The following YEATS2 variants were observed in gnomAD, a reference collection of about 807,000 sequenced individuals.
YEATS2 encodes YEATS domain-containing protein 2.
YEATS2 carries 77 observed loss-of-function variants against 163.2 expected under a neutral mutation model. The ratio of observed to expected loss-of-function variants is 0.47; its 90% CI spans 0.39 to 0.57. YEATS2 has a LOEUF of 0.57. YEATS2 is among the 20% of genes least tolerant of loss of function. The probability of loss-of-function intolerance (pLI) is 0.00; values close to 1 mark genes in which losing one functional copy is unlikely to be tolerated. For missense variants in YEATS2, 1,549 were observed against 1,729.8 expected, an observed-to-expected ratio of 0.90 and a Z score of 1.85; for synonymous variants, 631 against 645.1, an observed-to-expected ratio of 0.98 and a Z score of 0.33.
intron 8 of YEATS2, among the ~76,000 whole-genome samples, chr3:183,746,509 C>T (rs1719551917): frequency 6.6e-6 from 1 of 152,160 alleles, no homozygotes; most frequent in Non-Finnish European, 1.5e-5. Context: ...TTTCCAGTTC[C>T]TCTTCTTGTT....
At chr3:183,703,976 A>AAAAAT (rs951358225) in intron 1 of YEATS2, among the ~76,000 whole-genome samples, 20 of 151,838 alleles carry the variant, frequency 1.3e-4, no homozygotes, top group South Asian at 4.2e-4. Context: ...CCTCTACTAA[A>AAAAAT]AAAATAAAAT....
rs1250967054 is a variant in YEATS2 at position 183,763,096 on chromosome 3, G to A, written c.1947+817G>A. On this transcript the variant is annotated intron_variant, in intron 15 of 30. Coordinates refer to ENST00000305135, the MANE Select transcript of YEATS2 (RefSeq NM_018023.5). ...ATTAAAAAAAAAAATAGCACATAGA[G>A]CCATGTTTTCCTGAATCAATTGGAA... is the stretch of plus-strand genomic sequence containing the variant. 4.6e-5 allele frequency among the ~76,000 whole-genome samples: 7 copies of A among 151,548 alleles called. No individual in the cohort carries two copies. In the East Asian group the frequency reaches 1.4e-3, roughly 29 times the overall value.
chr3:183,761,731 T>C, intron 14 of YEATS2, 117 bp downstream of exon 14: 1 of 923,354 alleles, frequency 1.1e-6, no homozygotes, highest in Non-Finnish European at 1.7e-6. Flanking sequence ...CTCCTCATTC[T>C]GAGACGTGCT....
At chr3:183,700,770 CAA>C (rs774835127) in intron 1 of YEATS2, among the ~76,000 whole-genome samples, 192 of 37,724 alleles carry the variant, frequency 5.1e-3, no homozygotes, top group Middle Eastern at 0.013. Flanking sequence ...GACTTCGTCT[CAA>C]AAAAAAAAAA....
chr3:183,743,855 T>G (rs1319510357), intron 8 of YEATS2, among the ~76,000 whole-genome samples: 5 of 152,170 alleles, frequency 3.3e-5, no homozygotes, highest in African/African-American at 1.2e-4. Context: ...TCTGTAGAAT[T>G]CCTTTTTCAT....
rs1422428133 is a variant in YEATS2, at chr3:183,772,311, G to C, written c.1954G>C (p.Gly652Arg). ...SAKVQPSKVV[G>R]VPVGSALPST... is the part of the protein sequence containing the mutation. ...TCTGCTCTGTTTTGAACAGGTTGTC[G>C]GGGTACCAGTTGGGTCTGCTTTACC... Residue 652 changes from glycine to arginine, a missense_variant, in exon 16 of 31, where the codon GGG (glycine) becomes CGG (arginine). Physicochemically the swap from Gly to Arg is moderately radical, Grantham distance 125. Transcript: ENST00000305135. 1 of 1,613,632 alleles carries C rather than the reference G, an allele frequency of 6.2e-7. No homozygotes were observed. Among genetic ancestry groups the C allele is most frequent in the African/African-American group, 1.3e-5 (1 of 74,906 alleles).
chr3:183,720,247 T>C (rs776289136), intron 4 of YEATS2, among the ~76,000 whole-genome samples: 36 of 152,190 alleles, frequency 2.4e-4, no homozygotes, highest in Admixed American at 6.5e-4. Context: ...GTTTTTGACA[T>C]GTAAATGAAA....
rs539823681 is a variant in YEATS2 at position 183,716,104 on chromosome 3, C to T, written c.100+842C>T. ...CCTCCCGAGTAGCTGGGACTACAGG[C>T]ACCCGCCACCACGCCTTGCTAATAT... On this transcript the variant is annotated intron_variant, in intron 2 of 30. Coordinates refer to ENST00000305135, the MANE Select transcript of YEATS2 (RefSeq NM_018023.5). Among the ~76,000 whole-genome samples the T allele has an allele frequency of 1.4e-4, 21 of 152,090 alleles. 1 individual carries two copies. The South Asian group carries it at 4.4e-3, about 32-fold the overall frequency.
chr3:183,798,060 C>G lies in YEATS2; in HGVS notation c.3226+9C>G. ...GATGCCTGTGAATAAAGGTGAGTCC[C>G]TTGCCCACGGGTCGTCTGTGCTGTG... On this transcript the variant is annotated intron_variant, in intron 22 of 30. Transcript: ENST00000305135. The G allele has an allele frequency of 6.2e-7, 1 of 1,613,206 alleles. No homozygotes were observed. The highest frequency in any genetic ancestry group is 1.1e-5 in the South Asian group (1 of 91,020).
intron 5 of YEATS2, among the ~76,000 whole-genome samples, chr3:183,723,803 T>C (rs1211122687): frequency 6.6e-6 from 1 of 151,682 alleles, no homozygotes; most frequent in Admixed American, 6.6e-5. Flanking sequence ...TCCCATCTAC[T>C]CGAGAGGCTG....
At chr3:183,743,520 T>A (rs544637642) in intron 8 of YEATS2, among the ~76,000 whole-genome samples, 13 of 152,066 alleles carry the variant, frequency 8.5e-5, no homozygotes, top group African/African-American at 3.1e-4. Flanking sequence ...TTTTATTTTT[T>A]GTAGAGATGG....
At chr3:183,802,562 T>G (rs889292351) in intron 25 of YEATS2, 2 of 71,682 alleles carry the variant, frequency 2.8e-5, no homozygotes, top group Non-Finnish European at 6.6e-5. Context: ...TATTTTTCTC[T>G]CTCCTTAAAA....
intron 28 of YEATS2, chr3:183,807,328 A>G: frequency 1.9e-6 from 1 of 514,126 alleles, no homozygotes; most frequent in Non-Finnish European, 3.5e-6. Context: ...ATTACATGTG[A>G]AAACATTGCT....
Position 183,724,649 on chromosome 3 carries a change from G to C in YEATS2, c.650+118G>C, listed in dbSNP as rs1053625412. The C allele has an allele frequency of 8.2e-6, 6 of 731,378 alleles. No individual in the cohort carries two copies. In the African/African-American group the frequency reaches 1.1e-4, roughly 14 times the overall value. 45.3% of individuals were successfully genotyped at this position (731,378 alleles called of 1,614,324 possible). On this transcript the variant is annotated intron_variant, in intron 6 of 30. Coordinates refer to ENST00000305135, the MANE Select transcript of YEATS2 (RefSeq NM_018023.5). ...AGGGATTCTTTTTCCCAAGCCCTTAGTTGTTTAAAAAGTAAACCACAGTCT... is the reference window on the plus strand; with the variant it reads ...AGGGATTCTTTTTCCCAAGCCCTTACTTGTTTAAAAAGTAAACCACAGTCT...
At position 183,776,999 on chromosome 3, in the gene YEATS2, C is replaced by T. The variant is rs894973978; in HGVS notation, c.2578-543C>T. Among the ~76,000 whole-genome samples, 4 of 151,452 alleles carry T rather than the reference C, an allele frequency of 2.6e-5. No homozygotes were observed. In the East Asian group the frequency reaches 7.8e-4, roughly 29 times the overall value. On this transcript the variant is annotated intron_variant, in intron 18 of 30. Transcript: ENST00000305135. The stretch of plus-strand genomic sequence containing the variant: ...GAATTTGGGTTTAAACCCAGATCTT[C>T]CTGCCTTAAAGATTTCTACTATGCT...
intron 11 of YEATS2, 142 bp from the exon 12 acceptor site, chr3:183,756,386 C>T (rs553126565): frequency 1.5e-4 from 104 of 684,588 alleles, no homozygotes; most frequent in African/African-American, 2.1e-4. Context: ...TGCTCAGTAC[C>T]GGGAGCACGC....
Position 183,724,151 on chromosome 3 carries a change from A to G in YEATS2, c.538-268A>G, listed in dbSNP as rs1716821109. ...TAACCACTGTAATAGTTTTTTGTGTATCCTTCCAAATCCTATTTGCATATT... is the reference window on the plus strand; with the variant it reads ...TAACCACTGTAATAGTTTTTTGTGTGTCCTTCCAAATCCTATTTGCATATT... On this transcript the variant is annotated intron_variant, in intron 5 of 30. Transcript: ENST00000305135. Among the ~76,000 whole-genome samples, 3 of 152,096 alleles carry G rather than the reference A, an allele frequency of 2.0e-5. No homozygotes were observed. The South Asian group carries it at 6.2e-4, about 31-fold the overall frequency.
chr3:183,762,077 G>A lies in YEATS2; in HGVS notation c.1765-20G>A. On this transcript the variant is annotated intron_variant, in intron 14 of 30. Transcript: ENST00000305135. Reference sequence around the variant, plus strand: ...GGATGTTTATGGATGTTTATTCAGTGTCATTATGTTTGTTGCAAGGTGATC... The same window carrying A: ...GGATGTTTATGGATGTTTATTCAGTATCATTATGTTTGTTGCAAGGTGATC... The A allele has an allele frequency of 1.2e-6, 2 of 1,614,036 alleles. No homozygotes were observed. Among genetic ancestry groups the A allele is most frequent in the African/African-American group, 1.3e-5 (1 of 75,006 alleles).
At chr3:183,704,297 T>C (rs545039601) in intron 1 of YEATS2, among the ~76,000 whole-genome samples, 1 of 152,220 alleles carries the variant, frequency 6.6e-6, no homozygotes, top group Admixed American at 6.6e-5. Flanking sequence ...AATAAAACTT[T>C]CCAGTTATGA....
Sources: allele counts gnomAD v4.1 joint callset (sites outside exome capture counted in the v4.1 genomes callset), GRCh38; gene constraint gnomAD v4.1.1; transcripts MANE v1.5; gene names NCBI Gene and HGNC (gene_info 2026-07-23, HGNC 2026-07-21).